The following TBC1D15 variants were observed in gnomAD, a reference collection of about 807,000 sequenced individuals.
TBC1D15 encodes GAP for RAB7.
A neutral mutation model predicts 95.4 loss-of-function variants in TBC1D15; 39 were observed. The ratio of observed to expected loss-of-function variants is 0.41; its 90% CI spans 0.32 to 0.53. TBC1D15 has a LOEUF of 0.53. Among genes scored for constraint, TBC1D15 ranks in the 20% least tolerant of loss-of-function variants. The pLI is 0.29. For missense variants in TBC1D15, 733 were observed against 794.3 expected (o/e 0.92, Z 0.93); for synonymous variants, 258 against 261.3 (o/e 0.99, Z 0.12).
intron 10 of TBC1D15, among the ~76,000 whole-genome samples, chr12:71,902,863 C>T (rs1899743777): frequency 6.6e-6 from 1 of 152,114 alleles, no homozygotes; most frequent in Non-Finnish European, 1.5e-5. Flanking sequence ...CTGTAAGGAA[C>T]TCAAATCAAC....
At chr12:71,889,371 G>A (rs1181313534) in intron 5 of TBC1D15, among the ~76,000 whole-genome samples, 1 of 152,140 alleles carries the variant, frequency 6.6e-6, no homozygotes, top group Non-Finnish European at 1.5e-5. Flanking sequence ...GGTCTGAAAT[G>A]TGTAAAAACA....
chr12:71,877,224 T>TA (rs1555199449), intron 3 of TBC1D15, among the ~76,000 whole-genome samples: 2 of 150,946 alleles, frequency 1.3e-5, no homozygotes, highest in Middle Eastern at 3.2e-3. Flanking sequence ...TTTTTTTTTT[T>TA]AAACCTCTCT....
chr12:71,889,869 G>A (rs1472480146), intron 5 of TBC1D15, among the ~76,000 whole-genome samples: 2 of 151,992 alleles, frequency 1.3e-5, no homozygotes, highest in Non-Finnish European at 2.9e-5. Context: ...TTTAGCTCCC[G>A]CTTATAAGTG....
chr12:71,858,504 A>G (rs1008417081), intron 1 of TBC1D15, among the ~76,000 whole-genome samples: 27 of 147,242 alleles, frequency 1.8e-4, no homozygotes, highest in African/African-American at 6.6e-4. Flanking sequence ...TTTTTTTTGA[A>G]ATATAGTCAA....
At chr12:71,896,875 C>A in intron 9 of TBC1D15, 95 bp downstream of exon 9, 2 of 801,334 alleles carry the variant, frequency 2.5e-6, no homozygotes, top group Non-Finnish European at 1.9e-6. Flanking sequence ...TTGGAATAGA[C>A]TGGGGAATGG....
chr12:71,898,680 A>T (rs1327641793), intron 10 of TBC1D15, among the ~76,000 whole-genome samples: 1 of 152,082 alleles, frequency 6.6e-6, no homozygotes, highest in Non-Finnish European at 1.5e-5. Context: ...ACTGGAACTT[A>T]GTTTTGAAAT....
chr12:71,921,458 T>C lies in TBC1D15; in HGVS notation c.1803+4T>C, dbSNP rs1566086836. 2 of 1,480,202 alleles carry C rather than the reference T, an allele frequency of 1.4e-6. No homozygotes were observed. The highest frequency in any genetic ancestry group is 2.0e-5 in the Admixed American group (1 of 51,216). 91.7% of individuals were successfully genotyped at this position (1,480,202 alleles called of 1,614,324 possible). On this transcript the variant is annotated splice_donor_region_variant and intron_variant, in intron 16 of 16. Coordinates refer to ENST00000485960, the MANE Select transcript of TBC1D15 (RefSeq NM_001146213.3). Reference sequence around the variant, plus strand: ...TCTACAGATGGTAAAATGCAAGGTATACAGTGTTTCAAGTAATTGCAAGAT... The same window carrying C: ...TCTACAGATGGTAAAATGCAAGGTACACAGTGTTTCAAGTAATTGCAAGAT...
In TBC1D15 at chr12:71,918,479, T is replaced by C; in HGVS notation, c.1530T>C (p.Phe510=). The C allele has an allele frequency of 6.2e-7, 1 of 1,609,112 alleles. No individual in the cohort carries two copies. The highest frequency in any genetic ancestry group is 8.5e-7 in the Non-Finnish European group (1 of 1,178,378). Residue 510 remains phenylalanine, a synonymous_variant, in exon 14 of 17, where the codon TTT becomes TTC. Transcript: ENST00000485960. ...CTCAGGACTCTGGATACCTTTATTTTTGCTTCAGGTGGCTTTTAATCAGAT... is the reference window on the plus strand; with the variant it reads ...CTCAGGACTCTGGATACCTTTATTTCTGCTTCAGGTGGCTTTTAATCAGAT... ...LESQDSGYLY[F]CFRWLLIRFK...
At chr12:71,889,092 G>A (rs1464914069) in intron 5 of TBC1D15, among the ~76,000 whole-genome samples, 1 of 152,082 alleles carries the variant, frequency 6.6e-6, no homozygotes, top group Non-Finnish European at 1.5e-5. Context: ...ATCAACTAAG[G>A]GGAGCATAGA....
rs1458619704 is a variant in TBC1D15 at position 71,887,495 on chromosome 12, A to G, written c.554+2474A>G. On this transcript the variant is annotated intron_variant, in intron 5 of 16. Transcript: ENST00000485960. The stretch of plus-strand genomic sequence containing the variant: ...TATCTCTTAAAACTCATCTCATGCC[A>G]TTGTCTTTTCCATTCTACTCATGCA... 4.6e-5 allele frequency among the ~76,000 whole-genome samples: 7 copies of G among 152,252 alleles called. No homozygotes were observed. In the East Asian group the frequency reaches 1.2e-3, roughly 25 times the overall value.
chr12:71,871,223 A>G (rs1248356517), intron 1 of TBC1D15, among the ~76,000 whole-genome samples: 1 of 152,114 alleles, frequency 6.6e-6, no homozygotes, highest in Non-Finnish European at 1.5e-5. Flanking sequence ...TTCAAGGATT[A>G]TGTCTTTATC....
In TBC1D15 at chr12:71,917,719, A is replaced by T. The variant is rs1226148442; in HGVS notation, c.1423A>T (p.Met475Leu). 6.2e-7 allele frequency: 1 copy of T among 1,611,640 alleles called. No individual in the cohort carries two copies. Among genetic ancestry groups the T allele is most frequent in the South Asian group, 1.1e-5 (1 of 90,624 alleles). Residue 475 changes from methionine to leucine, a missense_variant, in exon 13 of 17, where the codon ATG becomes TTG. Met to Leu is a conservative substitution (Grantham distance 15). Transcript: ENST00000485960. ...DQMHQNFEEQ[M>L]QGMKTQLIQL... ...AAAGCATCAGAATTTTGAAGAACAAATGCAAGGCATGAAGACCCAGCTAAT... is the reference window on the plus strand; with the variant it reads ...AAAGCATCAGAATTTTGAAGAACAATTGCAAGGCATGAAGACCCAGCTAAT...
chr12:71,898,026 A>G, intron 10 of TBC1D15, 85 bp downstream of exon 10: 1 of 961,466 alleles, frequency 1.0e-6, no homozygotes, highest in East Asian at 2.4e-5. Context: ...GATACATGGT[A>G]ATAGCACTAG....
At chr12:71,871,008 T>C (rs553889138) in intron 1 of TBC1D15, among the ~76,000 whole-genome samples, 12 of 152,278 alleles carry the variant, frequency 7.9e-5, no homozygotes, top group African/African-American at 2.6e-4. Flanking sequence ...ACCAGACTTA[T>C]ATATGTGAAA....
chr12:71,854,547 C>G, intron 1 of TBC1D15: 2 of 456,514 alleles, frequency 4.4e-6, no homozygotes, highest in Non-Finnish European at 8.8e-6. Context: ...CTTTTCTGTT[C>G]TGTACCTTCT....
intron 5 of TBC1D15, among the ~76,000 whole-genome samples, chr12:71,892,829 G>T (rs1897424103): frequency 2.0e-5 from 3 of 151,592 alleles, no homozygotes; most frequent in South Asian, 2.1e-4. Context: ...ATATACTGAT[G>T]ACTCCTAATG....
Position 71,886,398 on chromosome 12 carries a change from G to C in TBC1D15, c.554+1377G>C, listed in dbSNP as rs1198750612. 3.3e-5 allele frequency among the ~76,000 whole-genome samples: 5 copies of C among 152,210 alleles called. No homozygotes were observed. In the East Asian group the frequency reaches 9.6e-4, roughly 29 times the overall value. On this transcript the variant is annotated intron_variant, in intron 5 of 16. Transcript: ENST00000485960. Reference sequence around the variant, plus strand: ...TTGGCCAGGCTGGTCTCGAACCCCTGACCTCAGGTTATCTGCCTGCCTCGG... The same window carrying C: ...TTGGCCAGGCTGGTCTCGAACCCCTCACCTCAGGTTATCTGCCTGCCTCGG...
At chr12:71,864,720 TG>T (rs1891116055) in intron 1 of TBC1D15, among the ~76,000 whole-genome samples, 1 of 151,990 alleles carries the variant, frequency 6.6e-6, no homozygotes, top group Non-Finnish European at 1.5e-5. Flanking sequence ...TTGGCCAGGG[TG>T]GTCTTGAACT....
intron 1 of TBC1D15, among the ~76,000 whole-genome samples, chr12:71,867,702 T>TCAA (rs1891783734): frequency 6.6e-6 from 1 of 152,204 alleles, no homozygotes; most frequent in African/African-American, 2.4e-5. Flanking sequence ...TTGCCCAGGC[T>TCAA]GGTCTGGAAC....
Sources: gnomAD v4.1 joint callset for allele counts (sites outside exome capture counted in the v4.1 genomes callset) on GRCh38, gnomAD v4.1.1 for gene constraint, MANE v1.5 for transcripts, NCBI Gene and HGNC (gene_info 2026-07-23, HGNC 2026-07-21) for gene names.